The following PLCH1 variants were observed in gnomAD, a reference collection of about 807,000 sequenced individuals.
The protein encoded by PLCH1 is 1-phosphatidylinositol 4,5-bisphosphate phosphodiesterase eta-1.
PLCH1 carries 60 observed loss-of-function variants against 126.7 expected under a neutral mutation model. That is an observed-to-expected ratio of 0.47 (90% CI 0.38 to 0.59). PLCH1 has a LOEUF of 0.59. PLCH1 is among the 20% of genes least tolerant of loss of function. PLCH1 has a pLI of 0.00. For synonymous variants in PLCH1, 719 were observed against 734.9 expected, an observed-to-expected ratio of 0.98 and a Z score of 0.35; for missense variants, 1,723 against 2,040.0, an observed-to-expected ratio of 0.84 and a Z score of 2.99.
intron 2 of PLCH1, among the ~76,000 whole-genome samples, chr3:155,693,010 C>T (rs1745519996): frequency 6.6e-6 from 1 of 151,944 alleles, no homozygotes; most frequent in African/African-American, 2.4e-5. Flanking sequence ...TCTCGATCTC[C>T]TGACCTCGTG....
chr3:155,460,879 C>G (rs918438349), intron 21 of PLCH1, among the ~76,000 whole-genome samples: 16 of 152,066 alleles, frequency 1.1e-4, no homozygotes, highest in African/African-American at 3.9e-4. Flanking sequence ...CAAATTCAAC[C>G]AGGTGGTATC....
At chr3:155,547,633 A>G (rs1305268581) in intron 10 of PLCH1, among the ~76,000 whole-genome samples, 2 of 152,158 alleles carry the variant, frequency 1.3e-5, no homozygotes, top group East Asian at 3.9e-4. Flanking sequence ...AAGGCTTGGA[A>G]CCAACTCAAA....
chr3:155,489,308 GT>G (rs966714851), intron 19 of PLCH1, among the ~76,000 whole-genome samples: 2 of 151,886 alleles, frequency 1.3e-5, no homozygotes, highest in African/African-American at 2.4e-5. Context: ...AATTCTCTAA[GT>G]TTTTTTTAGA....
rs73874844 is a variant in PLCH1, at chr3:155,569,869, A to T, written c.772-1545T>A. ...AAAGCAATGAAGAAACAACAAAACAACTAATTCACTGAGATGATGGAGCTA... is the reference window on the plus strand; with the variant it reads ...AAAGCAATGAAGAAACAACAAAACATCTAATTCACTGAGATGATGGAGCTA... On this transcript the variant is annotated intron_variant, in intron 6 of 22. Coordinates refer to ENST00000460012, the MANE Select transcript of PLCH1 (RefSeq NM_014996.4). Among the ~76,000 whole-genome samples the T allele has an allele frequency of 4.0e-3, 605 of 152,316 alleles. 6 individuals are homozygous for T. The highest frequency in any genetic ancestry group is 0.014 in the African/African-American group (579 of 41,566).
intron 21 of PLCH1, among the ~76,000 whole-genome samples, chr3:155,458,391 AAGGAAG>A (rs1560027102): frequency 6.6e-4 from 16 of 24,324 alleles, no homozygotes; most frequent in African/African-American, 1.8e-3. Flanking sequence ...AGAAAGAAGG[AAGGAAG>A]GAAGGAAGGA....
downstream of PLCH1, among the ~76,000 whole-genome samples, chr3:155,478,048 A>G (rs1197004440): frequency 6.6e-6 from 1 of 152,178 alleles, no homozygotes. Flanking sequence ...CATATACACA[A>G]TGGAGTACTA....
At chr3:155,464,458 C>A (rs1399953864) in intron 21 of PLCH1, among the ~76,000 whole-genome samples, 4 of 152,148 alleles carry the variant, frequency 2.6e-5, no homozygotes, top group Non-Finnish European at 5.9e-5. Flanking sequence ...ACTGTTCAGT[C>A]TTAAAACATG....
intron 10 of PLCH1, among the ~76,000 whole-genome samples, chr3:155,545,078 A>G (rs1399694111): frequency 9.2e-6 from 1 of 108,520 alleles, no homozygotes; most frequent in African/African-American, 3.4e-5. Context: ...AAAACCCTTC[A>G]AAAAATTAAT....
chr3:155,580,879 T>C (rs1428999491), intron 6 of PLCH1, among the ~76,000 whole-genome samples: 3 of 152,138 alleles, frequency 2.0e-5, no homozygotes, highest in Non-Finnish European at 4.4e-5. Flanking sequence ...AATCATAAAG[T>C]ATCAAAAAAA....
chr3:155,543,987 G>T (rs1700099894), intron 10 of PLCH1, among the ~76,000 whole-genome samples: 1 of 151,740 alleles, frequency 6.6e-6, no homozygotes. Context: ...CAACTAACGA[G>T]CAAATAACCA....
At chr3:155,537,297 A>G (rs1723566552) in intron 10 of PLCH1, among the ~76,000 whole-genome samples, 1 of 145,714 alleles carries the variant, frequency 6.9e-6, no homozygotes, top group Non-Finnish European at 1.5e-5. Context: ...ACCTCCATAA[A>G]GCATAAGTCC....
At chr3:155,624,932 C>A (rs36165987) in intron 2 of PLCH1, among the ~76,000 whole-genome samples, 73,837 of 151,944 alleles carry the variant, frequency 0.49, 20,325 homozygotes, top group African/African-American at 0.74. Flanking sequence ...GCCTGCATAG[C>A]TAAGACAATC....
chr3:155,704,779 G>T (rs1049729802), intron 1 of PLCH1, among the ~76,000 whole-genome samples: 2 of 152,104 alleles, frequency 1.3e-5, no homozygotes, highest in South Asian at 4.1e-4. Context: ...TTCATTGCTG[G>T]TGTCCATTTA....
At chr3:155,490,911 T>A (rs372409552) in intron 18 of PLCH1, 43 bp from the exon 19 acceptor site, 2 of 1,048,474 alleles carry the variant, frequency 1.9e-6, no homozygotes, top group African/African-American at 3.2e-5. Flanking sequence ...AACATATTTC[T>A]ATACATATGT....
intron 11 of PLCH1, among the ~76,000 whole-genome samples, chr3:155,521,202 C>G (rs909052548): frequency 6.6e-6 from 1 of 152,184 alleles, no homozygotes; most frequent in Non-Finnish European, 1.5e-5. Flanking sequence ...CACACACACA[C>G]TTTTTTCCTT....
At chr3:155,584,165 T>A (rs1458568719) in intron 5 of PLCH1, among the ~76,000 whole-genome samples, 1 of 151,880 alleles carries the variant, frequency 6.6e-6, no homozygotes, top group East Asian at 1.9e-4. Flanking sequence ...AGCTGTAACA[T>A]ACACGTGAGA....
intron 6 of PLCH1, among the ~76,000 whole-genome samples, chr3:155,577,623 G>A (rs190130063): frequency 2.0e-5 from 3 of 152,254 alleles, no homozygotes; most frequent in Admixed American, 6.5e-5. Context: ...ATGCTCATAT[G>A]TAAGTAGCTT....
intron 2 of PLCH1, among the ~76,000 whole-genome samples, chr3:155,644,721 A>G (rs1396270198): frequency 6.6e-6 from 1 of 152,252 alleles, no homozygotes; most frequent in Non-Finnish European, 1.5e-5. Flanking sequence ...AAATTCAAAT[A>G]TTGATTTTAT....
rs535908017 is a variant in PLCH1, at chr3:155,537,202, C to CAAAAA, written c.1362+12580_1362+12584dup. On this transcript the variant is annotated intron_variant, in intron 10 of 22. Transcript: ENST00000460012. ...CTAGCACTACAAAAAAAAAAAAAAC[C>CAAAAA]AAAAAAAAAAAAAAAAAAAAAAAAA... Among the ~76,000 whole-genome samples the CAAAAA allele has an allele frequency of 6.5e-3, 68 of 10,404 alleles. 7 individuals carry two copies. Among genetic ancestry groups the CAAAAA allele is most frequent in the East Asian group, 0.014 (12 of 844 alleles). The allele number at this position is 10,404 out of a possible 152,430, so 6.8% of individuals were successfully genotyped here.
Sources: gnomAD v4.1 joint callset for allele counts (sites outside exome capture counted in the v4.1 genomes callset) on GRCh38, gnomAD v4.1.1 for gene constraint, MANE v1.5 for transcripts, NCBI Gene and HGNC (gene_info 2026-07-23, HGNC 2026-07-21) for gene names.